Variants in DGKB observed in about 807,000 individuals in gnomAD.
DGKB encodes the protein diacylglycerol kinase beta.
DGKB carries 67 observed loss-of-function variants against 114.3 expected under a neutral mutation model. The observed-to-expected ratio is 0.59, with a 90% CI of 0.48 to 0.72. The LOEUF is 0.72. Ranked by LOEUF, DGKB falls within the 30% of genes least tolerant of loss-of-function variation. DGKB has a pLI of 0.00. For synonymous variants in DGKB, 398 were observed against 323.1 expected (o/e 1.23, Z -2.49); for missense variants, 907 against 975.2 (o/e 0.93, Z 0.93).
intron 23 of DGKB, among the ~76,000 whole-genome samples, chr7:14,255,644 C>T (rs1255773310): frequency 6.6e-6 from 1 of 152,082 alleles, no homozygotes; most frequent in Non-Finnish European, 1.5e-5. Flanking sequence ...CATACCTACT[C>T]CTAGATCCTG....
chr7:14,341,834 AAACATGTGAAG>A (rs1426376402), intron 22 of DGKB, among the ~76,000 whole-genome samples: 1 of 151,896 alleles, frequency 6.6e-6, no homozygotes, highest in African/African-American at 2.4e-5. Context: ...GGACTATTCA[AAACATGTGAAG>A]AACTTTGGAG....
At chr7:14,621,516 T>A (rs943662661) in intron 14 of DGKB, 22 bp from the exon 15 acceptor site, 2 of 1,355,068 alleles carry the variant, frequency 1.5e-6, no homozygotes, top group African/African-American at 1.5e-5. Flanking sequence ...AAAATTTTGA[T>A]AAAAATAAAA....
intron 2 of DGKB, among the ~76,000 whole-genome samples, chr7:14,805,198 C>T (rs1320942513): frequency 3.3e-5 from 5 of 152,028 alleles, no homozygotes; most frequent in Non-Finnish European, 5.9e-5. Context: ...TGCAGCATAG[C>T]GCTATCACTA....
chr7:14,685,978 T>C (rs1404360907), intron 9 of DGKB, among the ~76,000 whole-genome samples: 1 of 152,180 alleles, frequency 6.6e-6, no homozygotes, highest in Non-Finnish European at 1.5e-5. Flanking sequence ...ATAGTATATT[T>C]TAAAAGGCAA....
At chr7:14,663,994 A>T (rs1041554252) in intron 13 of DGKB, among the ~76,000 whole-genome samples, 4 of 151,910 alleles carry the variant, frequency 2.6e-5, no homozygotes, top group African/African-American at 7.2e-5. Flanking sequence ...GAGGTTCATG[A>T]AATCTTTACA....
At chr7:14,963,216 G>C (rs935148907) in intron 1 of DGKB, among the ~76,000 whole-genome samples, 1 of 152,106 alleles carries the variant, frequency 6.6e-6, no homozygotes, top group Non-Finnish European at 1.5e-5. Context: ...CAAGAGGGGG[G>C]TTACTAAAAG....
intron 21 of DGKB, among the ~76,000 whole-genome samples, chr7:14,373,933 G>C (rs1420618333): frequency 1.3e-5 from 2 of 151,856 alleles, no homozygotes; most frequent in African/African-American, 4.8e-5. Flanking sequence ...TGCATGTTTT[G>C]AGTTTATCCT....
chr7:14,621,193 G>A, intron 15 of DGKB, 185 bp downstream of exon 15: 1 of 492,314 alleles, frequency 2.0e-6, no homozygotes, highest in South Asian at 3.1e-5. Flanking sequence ...AATTTAACCA[G>A]AATGTTACTC....
chr7:14,443,430 G>T (rs978850773), intron 21 of DGKB, among the ~76,000 whole-genome samples: 2 of 152,074 alleles, frequency 1.3e-5, no homozygotes, highest in Non-Finnish European at 2.9e-5. Context: ...TTCCTTAAGT[G>T]AAAATTAATT....
chr7:14,311,124 T>C (rs1194037091), intron 23 of DGKB, among the ~76,000 whole-genome samples: 1 of 152,106 alleles, frequency 6.6e-6, no homozygotes. Context: ...CAAGACCCTA[T>C]CTCCAAACAG....
chr7:14,853,899 C>G (rs918757136), intron 1 of DGKB, among the ~76,000 whole-genome samples: 4 of 146,094 alleles, frequency 2.7e-5, no homozygotes, highest in Non-Finnish European at 4.5e-5. Context: ...AAAAATTTAT[C>G]ATAAAATGGT....
chr7:14,787,928 G>T (rs1182595004), intron 2 of DGKB, among the ~76,000 whole-genome samples: 1 of 149,094 alleles, frequency 6.7e-6, no homozygotes. Flanking sequence ...TCTCACCCAA[G>T]ATCCACCACC....
At chr7:14,238,075 T>C (rs1793075959) in intron 23 of DGKB, among the ~76,000 whole-genome samples, 1 of 151,970 alleles carries the variant, frequency 6.6e-6, no homozygotes, top group African/African-American at 2.4e-5. Context: ...GAAAGGAAAA[T>C]TTCTCTGAAA....
chr7:14,412,650 A>G (rs1331812813), intron 21 of DGKB, among the ~76,000 whole-genome samples: 1 of 152,132 alleles, frequency 6.6e-6, no homozygotes, highest in Non-Finnish European at 1.5e-5. Context: ...ATCTGTTAGG[A>G]AAACATCACT....
intron 21 of DGKB, among the ~76,000 whole-genome samples, chr7:14,395,662 C>G (rs1225188660): frequency 6.6e-6 from 1 of 151,586 alleles, no homozygotes. Flanking sequence ...TGTGCAAATA[C>G]CAAACATGTA....
intron 13 of DGKB, among the ~76,000 whole-genome samples, chr7:14,642,260 C>T (rs566243604): frequency 1.3e-5 from 2 of 152,140 alleles, no homozygotes; most frequent in African/African-American, 2.4e-5. Context: ...GTATTCTTGA[C>T]CATCTAAAAC....
chr7:14,567,508 AT>A (rs1200570835), intron 20 of DGKB, among the ~76,000 whole-genome samples: 1 of 90,012 alleles, frequency 1.1e-5, no homozygotes, highest in Admixed American at 2.0e-4. Flanking sequence ...TAATTATATA[AT>A]TATATATTTA....
chr7:14,159,590 G>A (rs1783553011), intron 25 of DGKB, among the ~76,000 whole-genome samples: 1 of 152,094 alleles, frequency 6.6e-6, no homozygotes, highest in African/African-American at 2.4e-5. Context: ...TCCATTCATT[G>A]TAACACTAGG....
chr7:14,372,410 G>T (rs1274382642), intron 21 of DGKB, among the ~76,000 whole-genome samples: 2 of 152,108 alleles, frequency 1.3e-5, no homozygotes, highest in African/African-American at 4.8e-5. Context: ...AGTGCGTAGT[G>T]GGGGGAACTA....
Sources: allele counts gnomAD v4.1 joint callset (sites outside exome capture counted in the v4.1 genomes callset), GRCh38; gene constraint gnomAD v4.1.1; transcripts MANE v1.5; gene names NCBI Gene and HGNC (gene_info 2026-07-23, HGNC 2026-07-21).